The following FRMD4A variants were observed in gnomAD, a reference collection of about 807,000 sequenced individuals.
FRMD4A encodes the protein FERM domain containing 4A.
A neutral mutation model predicts 129.1 loss-of-function variants in FRMD4A; 29 were observed. The observed-to-expected ratio is 0.22, with a 90% CI of 0.17 to 0.31. The LOEUF (loss-of-function observed/expected upper bound fraction) is 0.31, where lower values mean the gene tolerates loss of function less well. Among genes scored for constraint, FRMD4A ranks in the 10% least tolerant of loss-of-function variants. The pLI is 1.00. For synonymous variants in FRMD4A, 634 were observed against 571.6 expected, an observed-to-expected ratio of 1.11 and a Z score of -1.56; for missense variants, 1,272 against 1,375.8, an observed-to-expected ratio of 0.92 and a Z score of 1.19.
chr10:13,703,533 C>G (rs780306180), intron 13 of FRMD4A, among the ~76,000 whole-genome samples: 14 of 152,144 alleles, frequency 9.2e-5, no homozygotes, highest in Non-Finnish European at 1.6e-4. Context: ...ATTAAATGAC[C>G]GTATCTGGCG....
intron 8 of FRMD4A, 86 bp downstream of exon 8, chr10:13,761,561 T>C: frequency 1.1e-6 from 1 of 903,532 alleles, no homozygotes; most frequent in Non-Finnish European, 1.8e-6. Context: ...ATTGTCCACC[T>C]AAAAAGGACA....
At chr10:14,289,209 G>A (rs772221615) in intron 2 of FRMD4A, among the ~76,000 whole-genome samples, 15 of 152,024 alleles carry the variant, frequency 9.9e-5, no homozygotes, top group Admixed American at 3.9e-4. Flanking sequence ...TTTGTATAGT[G>A]GCTGCACAAT....
At chr10:13,965,396 C>CTGA (rs2095479415) in intron 2 of FRMD4A, among the ~76,000 whole-genome samples, 1 of 152,204 alleles carries the variant, frequency 6.6e-6, no homozygotes, top group African/African-American at 2.4e-5. Flanking sequence ...AATCCTCAGA[C>CTGA]TGATAAGATA....
At chr10:13,840,444 T>C (rs1288802960) in intron 3 of FRMD4A, among the ~76,000 whole-genome samples, 1 of 152,182 alleles carries the variant, frequency 6.6e-6, no homozygotes, top group Non-Finnish European at 1.5e-5. Context: ...CCACCCAGTC[T>C]ATGGGATTTT....
chr10:14,159,213 G>A (rs2131866387), intron 2 of FRMD4A, among the ~76,000 whole-genome samples: 1 of 152,278 alleles, frequency 6.6e-6, no homozygotes, highest in African/African-American at 2.4e-5. Flanking sequence ...TAAACTTGAG[G>A]GAGTAAATGT....
intron 5 of FRMD4A, among the ~76,000 whole-genome samples, chr10:13,792,207 T>C (rs11258619): frequency 0.61 from 92,273 of 152,080 alleles, 28,379 homozygotes; most frequent in East Asian, 0.73. Context: ...TGGTGTGCAC[T>C]TGTCCTGAAC....
rs77844072 is a variant in FRMD4A, at chr10:13,695,163, G to A, written c.976-1124C>T. 2.1e-5 allele frequency among the ~76,000 whole-genome samples: 3 copies of A among 142,124 alleles called. No homozygotes were observed. The East Asian group carries it at 6.3e-4, about 30-fold the overall frequency. The allele number at this position is 142,124 out of a possible 152,430, so 93.2% of individuals were successfully genotyped here. A position where few individuals can be genotyped will look rare whatever the true frequency, so the allele number is the denominator to read the frequency against. On this transcript the variant is annotated intron_variant, in intron 14 of 24. Coordinates refer to ENST00000357447, the MANE Select transcript of FRMD4A (RefSeq NM_018027.5). The stretch of plus-strand genomic sequence containing the variant: ...TCAAAAAAAAATTTTTTTTTTTTTT[G>A]AGACAGAGTCTCAGTCACCCAGGCT...
intron 2 of FRMD4A, among the ~76,000 whole-genome samples, chr10:14,276,775 G>A (rs896752771): frequency 1.2e-4 from 18 of 152,144 alleles, no homozygotes; most frequent in Admixed American, 4.6e-4. Flanking sequence ...CCATCTTCCT[G>A]CTCTGTTCTT....
chr10:14,002,824 G>C (rs371896849), intron 2 of FRMD4A, among the ~76,000 whole-genome samples: 2 of 152,168 alleles, frequency 1.3e-5, no homozygotes, highest in African/African-American at 2.4e-5. Flanking sequence ...AGAAGTAAAG[G>C]GGGTGGAGGG....
At chr10:13,843,235 T>C (rs1285293596) in intron 3 of FRMD4A, among the ~76,000 whole-genome samples, 2 of 152,106 alleles carry the variant, frequency 1.3e-5, no homozygotes, top group Admixed American at 6.6e-5. Flanking sequence ...ACTCAGTATA[T>C]TGGGGGTGCC....
intron 2 of FRMD4A, among the ~76,000 whole-genome samples, chr10:13,876,491 C>T (rs1231668161): frequency 6.6e-6 from 1 of 152,074 alleles, no homozygotes; most frequent in Non-Finnish European, 1.5e-5. Flanking sequence ...GAAGAGTTAC[C>T]GGCATCTGTT....
intron 2 of FRMD4A, among the ~76,000 whole-genome samples, chr10:14,139,365 C>T (rs904545488): frequency 1.3e-5 from 2 of 152,126 alleles, no homozygotes; most frequent in African/African-American, 4.8e-5. Flanking sequence ...ATAAGCTAAG[C>T]AACCTTATGT....
chr10:13,646,489 C>T lies in FRMD4A; in HGVS notation c.*549G>A, dbSNP rs2081124618. ...TAAACTGAATATGCCACGAGGCCTC[C>T]TCTTCATGAAGTGCTTGGTTGGCCT... On this transcript the variant is annotated 3_prime_UTR_variant, in exon 25 of 25. Transcript: ENST00000357447. 6.6e-6 allele frequency: 1 copy of T among 152,276 alleles called. No individual in the cohort carries two copies. Among genetic ancestry groups the T allele is most frequent in the Non-Finnish European group, 1.5e-5 (1 of 68,064 alleles). The allele number at this position is 152,276 out of a possible 1,614,324, so 9.4% of individuals were successfully genotyped here.
chr10:13,806,349 A>G (rs1185553288), intron 4 of FRMD4A, among the ~76,000 whole-genome samples: 1 of 152,228 alleles, frequency 6.6e-6, no homozygotes, highest in Admixed American at 6.5e-5. Context: ...ATTTCAAAAA[A>G]AAATGTAAAA....
intron 2 of FRMD4A, among the ~76,000 whole-genome samples, chr10:14,263,371 C>T (rs1204006374): frequency 7.9e-5 from 12 of 152,168 alleles, no homozygotes; most frequent in Non-Finnish European, 1.6e-4. Context: ...GCAAGGCTGC[C>T]GGCCAGACAT....
At chr10:14,087,656 G>C (rs1053621046) in intron 2 of FRMD4A, 1 of 152,082 alleles carries the variant, frequency 6.6e-6, no homozygotes, top group Non-Finnish European at 1.5e-5. Context: ...TTGAAGAACT[G>C]GAACAAACAT....
Position 14,102,830 on chromosome 10 carries a change from T to A in FRMD4A, c.45+227228A>T, listed in dbSNP as rs1016595818. Among the ~76,000 whole-genome samples, 4 of 152,136 alleles carry A rather than the reference T, an allele frequency of 2.6e-5. 1 individual carries two copies. The highest frequency in any genetic ancestry group is 7.2e-5 in the African/African-American group (3 of 41,418). On this transcript the variant is annotated intron_variant, in intron 2 of 24. Coordinates refer to ENST00000357447, the MANE Select transcript of FRMD4A (RefSeq NM_018027.5). ...AGAGAAGGGCTTGGGAGTTCTCATT[T>A]TGGCATGTAGTCCTTAAAGAGATCT...
intron 3 of FRMD4A, among the ~76,000 whole-genome samples, chr10:13,857,055 T>TCTTC (rs1233856047): frequency 2.0e-5 from 3 of 152,224 alleles, no homozygotes; most frequent in African/African-American, 7.2e-5. Context: ...ATTGCCTCAT[T>TCTTC]CTTCCAAATT....
At chr10:13,730,240 G>A (rs1173137333) in intron 12 of FRMD4A, among the ~76,000 whole-genome samples, 1 of 152,188 alleles carries the variant, frequency 6.6e-6, no homozygotes, top group Non-Finnish European at 1.5e-5. Context: ...GAGAGAGCCG[G>A]ACGTGAGCCA....
Sources: gnomAD v4.1 joint callset for allele counts (sites outside exome capture counted in the v4.1 genomes callset) on GRCh38, gnomAD v4.1.1 for gene constraint, MANE v1.5 for transcripts, NCBI Gene and HGNC (gene_info 2026-07-23, HGNC 2026-07-21) for gene names.